CCDC197: variants seen among roughly 807,000 people sequenced by gnomAD.
CCDC197 encodes coiled-coil domain containing 197.
A neutral mutation model predicts 13.4 loss-of-function variants in CCDC197; 24 were observed. The ratio of observed to expected loss-of-function variants is 1.80; its 90% CI spans 1.30 to 2.53. CCDC197 has a LOEUF of 2.53. Among genes scored for constraint, CCDC197 ranks in the 30% most tolerant of loss-of-function variants. The pLI is 0.00. For synonymous variants in CCDC197, 99 were observed against 55.5 expected (o/e 1.78, Z -3.48); for missense variants, 255 against 148.8 (o/e 1.71, Z -3.71).
chr14:93,990,575 T>G (rs1890192063), intron 1 of CCDC197, among the ~76,000 whole-genome samples: 1 of 152,174 alleles, frequency 6.6e-6, no homozygotes, highest in Admixed American at 6.5e-5. Context: ...GCCCAGTAGA[T>G]GGAATGACTG....
In CCDC197 at chr14:94,008,490, C is replaced by T. The variant is rs557474687; in HGVS notation, c.616-119C>T. 1.1e-4 allele frequency: 72 copies of T among 632,798 alleles called. 1 individual carries two copies. The highest frequency in any genetic ancestry group is 5.8e-5 in the Non-Finnish European group (20 of 345,638). 39.2% of individuals were successfully genotyped at this position (632,798 alleles called of 1,614,324 possible). ...AGTGGCATTGATACCACATCCTTTGCAGGGCGCTTGTGAGAGTTAAAGGAG... is the reference window on the plus strand; with the variant it reads ...AGTGGCATTGATACCACATCCTTTGTAGGGCGCTTGTGAGAGTTAAAGGAG... On this transcript the variant is annotated intron_variant, in intron 6 of 6. Transcript: ENST00000636493.
At chr14:93,998,745 C>A (rs949281345) in intron 2 of CCDC197, among the ~76,000 whole-genome samples, 1 of 152,250 alleles carries the variant, frequency 6.6e-6, no homozygotes, top group Non-Finnish European at 1.5e-5. Context: ...GATCCCAATA[C>A]GGTTTAGCAC....
downstream of CCDC197, among the ~76,000 whole-genome samples, chr14:94,010,085 G>C (rs1411017726): frequency 6.6e-6 from 1 of 152,226 alleles, no homozygotes; most frequent in Non-Finnish European, 1.5e-5. Flanking sequence ...GGGAGAGGGT[G>C]GGGGATAAGT....
chr14:93,999,368 A>G, intron 2 of CCDC197: 2 of 544,136 alleles, frequency 3.7e-6, no homozygotes, highest in Non-Finnish European at 6.5e-6. Flanking sequence ...AGATGCTGCT[A>G]TGGGCGTTTA....
upstream of CCDC197, among the ~76,000 whole-genome samples, chr14:93,992,942 A>G (rs188674159): frequency 1.3e-5 from 2 of 152,268 alleles, no homozygotes; most frequent in Non-Finnish European, 2.9e-5. Flanking sequence ...CTCTTGTGCT[A>G]GAAATGGAAG....
intron 1 of CCDC197, among the ~76,000 whole-genome samples, chr14:93,988,038 G>T (rs1890131113): frequency 8.6e-6 from 1 of 116,924 alleles, no homozygotes; most frequent in African/African-American, 3.4e-5. Context: ...GGCCAGAGAG[G>T]AGAAGAGGGG....
At chr14:93,989,974 G>C (rs963264311) in intron 1 of CCDC197, among the ~76,000 whole-genome samples, 3 of 152,116 alleles carry the variant, frequency 2.0e-5, no homozygotes, top group Admixed American at 2.0e-4. Context: ...GGCTTCTCTG[G>C]TCTTTGCCCT....
At chr14:93,990,854 G>C (rs1279780384) in intron 1 of CCDC197, among the ~76,000 whole-genome samples, 1 of 152,230 alleles carries the variant, frequency 6.6e-6, no homozygotes, top group Non-Finnish European at 1.5e-5. Flanking sequence ...CTTTGGGCTA[G>C]ATGCTGAATG....
At chr14:94,010,545 G>A (rs538701302), downstream of CCDC197, among the ~76,000 whole-genome samples, 1 of 152,214 alleles carries the variant, frequency 6.6e-6, no homozygotes, top group Non-Finnish European at 1.5e-5. Context: ...GGGAGCCGCT[G>A]TTCCGAGTTT....
chr14:94,000,488 C>T (rs10149388), intron 3 of CCDC197, among the ~76,000 whole-genome samples: 22,878 of 152,012 alleles, frequency 0.15, 2,977 homozygotes, highest in East Asian at 0.57. Flanking sequence ...TCTCATGGGG[C>T]TCAAATGGGT....
rs117474357 is a variant in CCDC197, at chr14:93,999,320, C to A, written c.105-263C>A. On this transcript the variant is annotated intron_variant, in intron 2 of 6. Coordinates refer to ENST00000636493, the MANE Select transcript of CCDC197 (RefSeq NM_001351596.2). Reference sequence around the variant, plus strand: ...GAAGACTCTGGCCAGAAAGGCTCAGCCTTCATTCTCCCCCAGATACCTTCT... The same window carrying A: ...GAAGACTCTGGCCAGAAAGGCTCAGACTTCATTCTCCCCCAGATACCTTCT... 717 of 441,476 alleles carry A rather than the reference C, an allele frequency of 1.6e-3. 14 individuals are homozygous for A. Among genetic ancestry groups the A allele is most frequent in the East Asian group, 0.014 (315 of 22,508 alleles). The allele number at this position is 441,476 out of a possible 1,614,324, so 27.3% of individuals were successfully genotyped here. A position where few individuals can be genotyped will look rare whatever the true frequency, so the allele number is the denominator to read the frequency against.
At chr14:93,995,047 C>T (rs1324321849), upstream of CCDC197, among the ~76,000 whole-genome samples, 4 of 152,172 alleles carry the variant, frequency 2.6e-5, no homozygotes, top group South Asian at 2.1e-4. Flanking sequence ...GCTTTGACGT[C>T]GGTGTGTCAT....
At chr14:94,008,476 T>C (rs535404651) in intron 6 of CCDC197, 133 bp from the exon 7 acceptor site, 24 of 624,506 alleles carry the variant, frequency 3.8e-5, no homozygotes, top group Middle Eastern at 6.1e-4. Flanking sequence ...GTGGCATTGA[T>C]ACCACATCCT....
At position 94,001,680 on chromosome 14, in the gene CCDC197, T is replaced by C. The variant is rs74244749; in HGVS notation, c.366+357T>C. The C allele has an allele frequency of 8.6e-4, 163 of 190,324 alleles. 1 individual carries two copies. In the East Asian group the frequency reaches 0.019, roughly 23 times the overall value. The allele number at this position is 190,324 out of a possible 1,614,324, so 11.8% of individuals were successfully genotyped here. A position where few individuals can be genotyped will look rare whatever the true frequency, so the allele number is the denominator to read the frequency against. ...GTCAAGTGGGGGCAACACACCCTAG[T>C]TGCTAGCGTCCTTGCGAGGCACCAA... On this transcript the variant is annotated intron_variant, in intron 4 of 6. Transcript: ENST00000636493.
intron 1 of CCDC197, among the ~76,000 whole-genome samples, chr14:93,987,649 C>T (rs1236368785): frequency 2.6e-5 from 4 of 152,294 alleles, no homozygotes; most frequent in African/African-American, 9.6e-5. Flanking sequence ...CTTCCCTCCA[C>T]TCTCTGGAGG....
rs755860819 is a variant in CCDC197 at position 94,008,551 on chromosome 14, G to C, written c.616-58G>C. The C allele has an allele frequency of 4.4e-6, 3 of 683,346 alleles. No individual in the cohort carries two copies. In the Admixed American group the frequency reaches 6.1e-5, roughly 14 times the overall value. The allele number at this position is 683,346 out of a possible 1,614,324, so 42.3% of individuals were successfully genotyped here. On this transcript the variant is annotated intron_variant, in intron 6 of 6. Coordinates refer to ENST00000636493, the MANE Select transcript of CCDC197 (RefSeq NM_001351596.2). ...GCCTTTGATGATGCTTTGGTACCTA[G>C]AAAGCAGCGTCCAGAGGCCAAAACA... is the stretch of plus-strand genomic sequence containing the variant.
upstream of CCDC197, among the ~76,000 whole-genome samples, chr14:93,996,818 TC>T (rs945779319): frequency 3.9e-5 from 6 of 152,124 alleles, no homozygotes; most frequent in African/African-American, 1.4e-4. Context: ...GTGGCACAGG[TC>T]CAGTGGCTCC....
In CCDC197 at chr14:93,998,102, T is replaced by C; in HGVS notation, c.-30T>C. The C allele has an allele frequency of 1.3e-6, 1 of 780,164 alleles. No homozygotes were observed. The highest frequency in any genetic ancestry group is 1.3e-5 in the South Asian group (1 of 74,576). The allele number at this position is 780,164 out of a possible 1,614,324, so 48.3% of individuals were successfully genotyped here. A position where few individuals can be genotyped will look rare whatever the true frequency, so the allele number is the denominator to read the frequency against. On this transcript the variant is annotated 5_prime_UTR_variant, in exon 2 of 7. Coordinates refer to ENST00000636493, the MANE Select transcript of CCDC197 (RefSeq NM_001351596.2). The stretch of plus-strand genomic sequence containing the variant: ...TCCTGCCTGACTCACGGGTCTCCTG[T>C]CCTCCTGCATAGCTTGCGGTGGTGA...
At chr14:94,010,109 G>A (rs1231578657), downstream of CCDC197, among the ~76,000 whole-genome samples, 1 of 152,208 alleles carries the variant, frequency 6.6e-6, no homozygotes, top group Non-Finnish European at 1.5e-5. Context: ...GCTTGGCCAG[G>A]GAGTTAAATA....
Sources: allele counts gnomAD v4.1 joint callset (sites outside exome capture counted in the v4.1 genomes callset), GRCh38; gene constraint gnomAD v4.1.1; transcripts MANE v1.5; gene names NCBI Gene and HGNC (gene_info 2026-07-23, HGNC 2026-07-21).